The following TLE3 variants were observed in gnomAD, a reference collection of about 807,000 sequenced individuals.
TLE3 encodes transducin-like enhancer protein 3.
A neutral mutation model predicts 93.0 loss-of-function variants in TLE3; 14 were observed. The observed-to-expected ratio is 0.15, with a 90% confidence interval of 0.10 to 0.24. The LOEUF (loss-of-function observed/expected upper bound fraction) is 0.24. Ranked by LOEUF, TLE3 falls within the 10% of genes least tolerant of loss-of-function variation. The pLI is 1.00. For missense variants in TLE3, 693 were observed against 1,046.6 expected, an observed-to-expected ratio of 0.66 and a Z score of 4.66; for synonymous variants, 451 against 425.0, an observed-to-expected ratio of 1.06 and a Z score of -0.75.
At chr15:70,081,095 A>ACG (rs1479237589) in intron 4 of TLE3, among the ~76,000 whole-genome samples, 6 of 152,208 alleles carry the variant, frequency 3.9e-5, no homozygotes, top group African/African-American at 1.4e-4. Flanking sequence ...CTCCAACGCC[A>ACG]CGCAGAGATG....
chr15:70,072,243 A>G (rs2057222972), intron 6 of TLE3, among the ~76,000 whole-genome samples: 1 of 152,152 alleles, frequency 6.6e-6, no homozygotes, highest in African/African-American at 2.4e-5. Context: ...AATACAGCTA[A>G]TCCAAGCAGT....
intron 5 of TLE3, among the ~76,000 whole-genome samples, chr15:70,075,322 T>G (rs560033760): frequency 6.6e-6 from 1 of 152,358 alleles, no homozygotes; most frequent in East Asian, 1.9e-4. Flanking sequence ...CTTAAAAAAA[T>G]AAAGTCTATT....
chr15:70,084,978 G>C (rs1479756061), intron 4 of TLE3, among the ~76,000 whole-genome samples: 1 of 152,168 alleles, frequency 6.6e-6, no homozygotes, highest in East Asian at 1.9e-4. Context: ...GAAGCCACCA[G>C]CCACCCGTGG....
rs1341880860 is a variant in TLE3 at position 70,048,684 on chromosome 15, TCCTAA to T, written c.*1408_*1412del. On this transcript the variant is annotated 3_prime_UTR_variant, in exon 20 of 20. Coordinates refer to ENST00000451782, the MANE Select transcript of TLE3 (RefSeq NM_001105192.3). ...ACAAACAAAAAAAACCCAACCCAAA[TCCTAA>T]CACCTCAGAACATGTTGGTACCAAA... 6.8e-6 allele frequency: 1 copy of T among 147,680 alleles called. No individual in the cohort carries two copies. The highest frequency in any genetic ancestry group is 3.6e-3 in the Middle Eastern group (1 of 280). 9.1% of individuals were successfully genotyped at this position (147,680 alleles called of 1,614,324 possible).
intron 12 of TLE3, 162 bp downstream of exon 12, chr15:70,057,996 TG>T: frequency 1.7e-6 from 2 of 1,181,076 alleles, no homozygotes; most frequent in Non-Finnish European, 2.3e-6. Context: ...CCAGAAACCC[TG>T]GTGTCACCTC....
chr15:70,053,483 G>T, intron 16 of TLE3, 109 bp from the exon 17 acceptor site: 1 of 1,308,044 alleles, frequency 7.6e-7, no homozygotes. Flanking sequence ...GCCCAGAAGA[G>T]TGCACTATGC....
chr15:70,067,841 G>C (rs2056906409), intron 6 of TLE3, among the ~76,000 whole-genome samples: 1 of 152,228 alleles, frequency 6.6e-6, no homozygotes. Flanking sequence ...TGGGTGAAAG[G>C]CTGGCACTGC....
chr15:70,091,959 C>T (rs1242184284), intron 4 of TLE3, among the ~76,000 whole-genome samples: 2 of 152,042 alleles, frequency 1.3e-5, no homozygotes, highest in African/African-American at 2.4e-5. Context: ...TATAAAAGTA[C>T]AGACAGTCCC....
intron 4 of TLE3, among the ~76,000 whole-genome samples, chr15:70,082,431 G>A (rs1223906405): frequency 1.3e-5 from 2 of 152,134 alleles, no homozygotes; most frequent in South Asian, 2.1e-4. Context: ...TGTAAGAAGG[G>A]GAGGAGGGTC....
rs114356333 is a variant in TLE3, at chr15:70,097,367, C to T, written c.-569G>A. The T allele has an allele frequency of 2.1e-3, 835 of 405,418 alleles. 9 individuals are homozygous for T. Among genetic ancestry groups the T allele is most frequent in the African/African-American group, 0.016 (787 of 48,682 alleles). The allele number at this position is 405,418 out of a possible 1,614,324, so 25.1% of individuals were successfully genotyped here. A position where few individuals can be genotyped will look rare whatever the true frequency, so the allele number is the denominator to read the frequency against. The stretch of plus-strand genomic sequence containing the variant: ...TGGTGGCTTGGGGCCGCAGGAGCGC[C>T]GGAGGGTGAGGGCGGGAGCCCGGCG... On this transcript the variant is annotated 5_prime_UTR_variant, in exon 1 of 20. Transcript: ENST00000451782.
chr15:70,070,729 C>T (rs148668989), intron 6 of TLE3, among the ~76,000 whole-genome samples: 1 of 152,312 alleles, frequency 6.6e-6, no homozygotes, highest in East Asian at 1.9e-4. Context: ...TCAAACTCAG[C>T]GTTACCTCCT....
intron 17 of TLE3, 140 bp from the exon 18 acceptor site, chr15:70,052,664 G>T: frequency 1.1e-6 from 1 of 882,072 alleles, no homozygotes; most frequent in Non-Finnish European, 1.6e-6. Flanking sequence ...AGTATGGGAG[G>T]TCATTTTCCA....
Position 70,048,723 on chromosome 15 carries a change from C to G in TLE3, c.*1374G>C, listed in dbSNP as rs1352720771. 6.6e-6 allele frequency: 1 copy of G among 151,824 alleles called. No homozygotes were observed. The highest frequency in any genetic ancestry group is 2.4e-5 in the African/African-American group (1 of 41,344). The allele number at this position is 151,824 out of a possible 1,614,324, so 9.4% of individuals were successfully genotyped here. The stretch of plus-strand genomic sequence containing the variant: ...AACATGTTGGTACCAAAAGGTGGCA[C>G]CTGCCAGAGGCGATAGTCTACCTAA... On this transcript the variant is annotated 3_prime_UTR_variant, in exon 20 of 20. Transcript: ENST00000451782.
chr15:70,096,991 C>G lies in TLE3; in HGVS notation c.-193G>C. ...CGCCCCAAGTGGAGACAAAGAGCCGCGGAGCAGGCGGCAAAGTCGTCGGCG... is the reference window on the plus strand; with the variant it reads ...CGCCCCAAGTGGAGACAAAGAGCCGGGGAGCAGGCGGCAAAGTCGTCGGCG... On this transcript the variant is annotated 5_prime_UTR_variant, in exon 1 of 20. Transcript: ENST00000451782. 1.5e-6 allele frequency: 1 copy of G among 681,900 alleles called. No homozygotes were observed. Among genetic ancestry groups the G allele is most frequent in the African/African-American group, 1.9e-5 (1 of 52,078 alleles). The allele number at this position is 681,900 out of a possible 1,614,324, so 42.2% of individuals were successfully genotyped here. A position where few individuals can be genotyped will look rare whatever the true frequency, so the allele number is the denominator to read the frequency against.
Position 70,097,209 on chromosome 15 carries a change from G to C in TLE3, c.-411C>G. ...CTGGGGCGAGCTCGGGCCCCCTCCG[G>C]GTCACTCAGCGGGTCGCGCCTGTAG... is the stretch of plus-strand genomic sequence containing the variant. On this transcript the variant is annotated 5_prime_UTR_variant, in exon 1 of 20. Transcript: ENST00000451782. 2.5e-6 allele frequency: 1 copy of C among 407,066 alleles called. No homozygotes were observed. The highest frequency in any genetic ancestry group is 2.1e-5 in the African/African-American group (1 of 48,408). The allele number at this position is 407,066 out of a possible 1,614,324, so 25.2% of individuals were successfully genotyped here.
At chr15:70,079,448 GCCCC>G (rs1299302136) in intron 4 of TLE3, 3 of 436,104 alleles carry the variant, frequency 6.9e-6, no homozygotes, top group Non-Finnish European at 1.3e-5. Flanking sequence ...CGTAAACCCA[GCCCC>G]TCCCCTGGGA....
chr15:70,094,579 A>G lies in TLE3; in HGVS notation c.190-3T>C. The G allele has an allele frequency of 6.5e-7, 1 of 1,549,236 alleles. No homozygotes were observed. The highest frequency in any genetic ancestry group is 8.7e-7 in the Non-Finnish European group (1 of 1,147,084). On this transcript the variant is annotated splice_region_variant and splice_polypyrimidine_tract_variant and intron_variant, in intron 3 of 19. Coordinates refer to ENST00000451782, the MANE Select transcript of TLE3 (RefSeq NM_001105192.3). ...AAGCCATAGGACATCTCATAGTACT[A>G]AAAGTAAAAAGAATGGCTATTAACA...
intron 4 of TLE3, among the ~76,000 whole-genome samples, chr15:70,087,837 G>C (rs1483112174): frequency 6.6e-6 from 1 of 152,246 alleles, no homozygotes; most frequent in Non-Finnish European, 1.5e-5. Context: ...CAATAATGAA[G>C]TCGGCTGGTG....
chr15:70,082,568 C>A (rs2057831778), intron 4 of TLE3, among the ~76,000 whole-genome samples: 1 of 152,210 alleles, frequency 6.6e-6, no homozygotes, highest in South Asian at 2.1e-4. Context: ...TTAGCACTGA[C>A]ATATTGATCA....
Sources: allele counts gnomAD v4.1 joint callset (sites outside exome capture counted in the v4.1 genomes callset), GRCh38; gene constraint gnomAD v4.1.1; transcripts MANE v1.5; gene names NCBI Gene and HGNC (gene_info 2026-07-23, HGNC 2026-07-21).